Variants in DBR1 observed in about 807,000 individuals in gnomAD.
The protein encoded by DBR1 is debranching RNA lariats 1.
A neutral mutation model predicts 45.9 loss-of-function variants in DBR1; 33 were observed. The ratio of observed to expected loss-of-function variants is 0.72; its 90% CI spans 0.55 to 0.96. The LOEUF is 0.96. Among genes scored for constraint, DBR1 ranks in the 40% least tolerant of loss-of-function variants. The pLI, the probability that DBR1 is intolerant of heterozygous loss-of-function variation, is 0.00. For missense variants in DBR1, 619 were observed against 667.4 expected, an observed-to-expected ratio of 0.93 and a Z score of 0.80; for synonymous variants, 235 against 235.9, an observed-to-expected ratio of 1.00 and a Z score of 0.04.
intron 1 of DBR1, 117 bp from the exon 2 acceptor site, chr3:138,173,743 G>C: frequency 1.3e-5 from 16 of 1,204,606 alleles, no homozygotes; most frequent in Non-Finnish European, 1.6e-5. Flanking sequence ...TCTTTCAAAA[G>C]GAATTGCCTG....
At chr3:138,164,876 G>A (rs2042923316) in intron 5 of DBR1, among the ~76,000 whole-genome samples, 1 of 152,124 alleles carries the variant, frequency 6.6e-6, no homozygotes, top group Non-Finnish European at 1.5e-5. Context: ...CGAACTCCTG[G>A]CCTCAAGTGA....
chr3:138,172,981 A>G (rs1367044483), intron 2 of DBR1, among the ~76,000 whole-genome samples: 1 of 151,980 alleles, frequency 6.6e-6, no homozygotes, highest in Non-Finnish European at 1.5e-5. Context: ...GTACTGTAGT[A>G]GTATTTTTAA....
At chr3:138,174,488 T>C in intron 1 of DBR1, 111 bp downstream of exon 1, 2 of 1,132,372 alleles carry the variant, frequency 1.8e-6, no homozygotes, top group South Asian at 3.1e-5. Flanking sequence ...AGGCACCAAT[T>C]AGAGATACAG....
At chr3:138,170,571 T>C (rs1277382385) in intron 3 of DBR1, among the ~76,000 whole-genome samples, 1 of 152,208 alleles carries the variant, frequency 6.6e-6, no homozygotes, top group Non-Finnish European at 1.5e-5. Flanking sequence ...AAAAACCTGA[T>C]AAACAGCTTC....
chr3:138,162,749 T>C (rs2042913928), intron 7 of DBR1, among the ~76,000 whole-genome samples, 167 bp from the exon 8 acceptor site: 1 of 152,012 alleles, frequency 6.6e-6, no homozygotes, highest in South Asian at 2.1e-4. Context: ...GAAAAAAAAA[T>C]AATTCTTAGA....
At chr3:138,169,284 G>A (rs1014181125) in intron 4 of DBR1, among the ~76,000 whole-genome samples, 3 of 152,146 alleles carry the variant, frequency 2.0e-5, no homozygotes, top group Non-Finnish European at 2.9e-5. Context: ...TTTGAGTGGA[G>A]ATTATATGAA....
At chr3:138,168,785 T>C (rs1333691793) in intron 4 of DBR1, among the ~76,000 whole-genome samples, 1 of 151,966 alleles carries the variant, frequency 6.6e-6, no homozygotes, top group Non-Finnish European at 1.5e-5. Context: ...GGCGAAACTC[T>C]GTCTCTAAAA....
Position 138,163,340 on chromosome 3 carries a change from CT to C in DBR1, c.941+8del, listed in dbSNP as rs751630624. The C allele has an allele frequency of 8.1e-6, 13 of 1,608,824 alleles. No individual in the cohort carries two copies. The highest frequency in any genetic ancestry group is 2.7e-5 in the African/African-American group (2 of 74,628). On this transcript the variant is annotated splice_region_variant and intron_variant, in intron 7 of 7. Coordinates refer to ENST00000260803, the MANE Select transcript of DBR1 (RefSeq NM_016216.4). ...GGAAAAAGCAGGTCCTAAATAAAGT[CT>C]GACTTACCTTGCATGCAGGCCATTA...
At position 138,161,820 on chromosome 3, in the gene DBR1, T is replaced by A; in HGVS notation, c.*69A>T. Reference sequence around the variant, plus strand: ...GAGATCACGCCATTGCACTCCAGTCTAGGTGACAAGAGTGAAACTCCATCT... The same window carrying A: ...GAGATCACGCCATTGCACTCCAGTCAAGGTGACAAGAGTGAAACTCCATCT... On this transcript the variant is annotated 3_prime_UTR_variant, in exon 8 of 8. Transcript: ENST00000260803. The A allele has an allele frequency of 8.1e-7, 1 of 1,234,860 alleles. No homozygotes were observed. The highest frequency in any genetic ancestry group is 1.3e-5 in the South Asian group (1 of 75,644). 76.5% of individuals were successfully genotyped at this position (1,234,860 alleles called of 1,614,324 possible). A position where few individuals can be genotyped will look rare whatever the true frequency, so the allele number is the denominator to read the frequency against.
At chr3:138,167,333 G>GA in intron 4 of DBR1, 28 bp from the exon 5 acceptor site, 1 of 1,517,098 alleles carries the variant, frequency 6.6e-7, no homozygotes, top group Non-Finnish European at 9.0e-7. Flanking sequence ...GAGAAAGAAA[G>GA]AAAACTCTTA....
At chr3:138,163,729 G>A in intron 6 of DBR1, 49 bp downstream of exon 6, 1 of 1,289,082 alleles carries the variant, frequency 7.8e-7, no homozygotes, top group Non-Finnish European at 1.0e-6. Context: ...ATTTTTTTAA[G>A]TCTCTGGAAG....
chr3:138,167,471 C>G (rs1056115988), intron 4 of DBR1, among the ~76,000 whole-genome samples, 166 bp from the exon 5 acceptor site: 1 of 152,132 alleles, frequency 6.6e-6, no homozygotes, highest in Non-Finnish European at 1.5e-5. Flanking sequence ...AAATACTAGG[C>G]AACTCATTCA....
chr3:138,163,831 C>T lies in DBR1; in HGVS notation c.742G>A (p.Ala248Thr), dbSNP rs906926717. 3 of 1,612,934 alleles carry T rather than the reference C, an allele frequency of 1.9e-6. No individual in the cohort carries two copies. Among genetic ancestry groups the T allele is most frequent in the African/African-American group, 1.3e-5 (1 of 74,996 alleles). The change falls in exon 6 of 8, where the codon GCA (alanine) becomes ACA (threonine). Residue 248 changes from alanine to threonine, a missense_variant. This residue lies in a region of DBR1 where 430 missense variants were observed against 447.7 expected (regional missense o/e 0.96). Coordinates refer to ENST00000260803, the MANE Select transcript of DBR1 (RefSeq NM_016216.4). ...QAKDKGQTAR[A>T]TKFLALDKCL... ...TTGTCCAAGGCTAAAAATTTGGTTGCTCTGGCTGTCTGTCCTTTATCCTTT... is the reference window on the plus strand; with the variant it reads ...TTGTCCAAGGCTAAAAATTTGGTTGTTCTGGCTGTCTGTCCTTTATCCTTT...
chr3:138,167,121 G>A lies in DBR1; in HGVS notation c.674C>T (p.Ala225Val). The A allele has an allele frequency of 6.2e-7, 1 of 1,614,174 alleles. No homozygotes were observed. Among genetic ancestry groups the A allele is most frequent in the Non-Finnish European group, 8.5e-7 (1 of 1,180,032 alleles). ...EHLKPTYWFS[A>V]HLHVKFAALM... is the part of the protein sequence containing the mutation. The stretch of plus-strand genomic sequence containing the variant: ...GGCGGCAAACTTCACATGAAGGTGG[G>A]CAGAAAACCAATAAGTAGGTTTGAG... Residue 225 changes from alanine to valine, a missense_variant, in exon 5 of 8, where the codon GCC becomes GTC. By Grantham distance (64) the Ala-to-Val change is moderately conservative. Around this residue, in one of 3 missense-constraint regions of DBR1, gnomAD observed 430 missense variants for 447.7 expected, o/e 0.96. Coordinates refer to ENST00000260803, the MANE Select transcript of DBR1 (RefSeq NM_016216.4).
At chr3:138,168,440 A>G (rs2042940011) in intron 4 of DBR1, among the ~76,000 whole-genome samples, 1 of 151,826 alleles carries the variant, frequency 6.6e-6, no homozygotes, top group Non-Finnish European at 1.5e-5. Context: ...GAATCGCTTG[A>G]ACCCAGGAGG....
chr3:138,166,874 G>GTC (rs2042932695), intron 5 of DBR1, among the ~76,000 whole-genome samples: 2 of 152,148 alleles, frequency 1.3e-5, no homozygotes, highest in Non-Finnish European at 2.9e-5. Flanking sequence ...TCCCACCACA[G>GTC]TCTGGCTTAG....
At chr3:138,171,495 A>AAG in intron 3 of DBR1, 138 bp downstream of exon 3, 1 of 333,694 alleles carries the variant, frequency 3.0e-6, no homozygotes, top group South Asian at 4.2e-5. Flanking sequence ...AAAAAAAAAA[A>AAG]AAAAAGCAAA....
rs768020164 is a variant in DBR1 at position 138,163,788 on chromosome 3, T to G, written c.785A>C (p.Asp262Ala). 1 of 1,610,800 alleles carries G rather than the reference T, an allele frequency of 6.2e-7. No homozygotes were observed. The change falls in exon 6 of 8, where the codon GAT (aspartate) becomes GCT (alanine). Residue 262 changes from aspartate (D) to alanine (A), a missense_variant. Asp to Ala is a moderately radical substitution (Grantham distance 126). This residue lies in a region of DBR1 where 430 missense variants were observed against 447.7 expected (regional missense o/e 0.96). Transcript: ENST00000260803. ...CTTCACTCTTCTTACCTGAAGAAAA[T>G]CTCTATGTGGTAAGCATTTGTCCAA... ...LALDKCLPHR[D>A]FLQILEIEHD...
Position 138,174,620 on chromosome 3 carries a change from C to A in DBR1, c.176G>T (p.Arg59Leu). Residue 59 changes from arginine to leucine, a missense_variant, in exon 1 of 8, where the codon CGT becomes CTT. Physicochemically the swap from Arg to Leu is moderately radical, Grantham distance 102 (BLOSUM62 -2). This residue lies in a region of DBR1 where 430 missense variants were observed against 447.7 expected (regional missense o/e 0.96). Coordinates refer to ENST00000260803, the MANE Select transcript of DBR1 (RefSeq NM_016216.4). ...TCACCTGTAGAAGGTTTGCATGTGA[C>A]GATACTTGGGCGGCACGGCCATGCA... Reference protein sequence around the residue: ...LRCMAVPPKYRHMQTFYRYYS... With the variant: ...LRCMAVPPKYLHMQTFYRYYS... 1 of 1,607,548 alleles carries A rather than the reference C, an allele frequency of 6.2e-7. No individual in the cohort carries two copies. The highest frequency in any genetic ancestry group is 8.5e-7 in the Non-Finnish European group (1 of 1,176,000).
Sources: allele counts gnomAD v4.1 joint callset (sites outside exome capture counted in the v4.1 genomes callset), GRCh38; gene constraint gnomAD v4.1.1; regional missense constraint gnomAD v4.1.1; transcripts MANE v1.5; gene names NCBI Gene and HGNC (gene_info 2026-07-23, HGNC 2026-07-21).